Variants in IL1RAPL1 observed in about 807,000 individuals in gnomAD.
IL1RAPL1 encodes the protein interleukin-1 receptor accessory protein-like 1.
IL1RAPL1 carries 3 observed loss-of-function variants against 48.4 expected under a neutral mutation model. The ratio of observed to expected loss-of-function variants is 0.06; its 90% CI spans 0.03 to 0.16. The LOEUF (loss-of-function observed/expected upper bound fraction) is 0.16, where lower values mean the gene tolerates loss of function less well. Ranked by LOEUF, IL1RAPL1 falls within the 10% of genes least tolerant of loss-of-function variation. The pLI is 1.00. For missense variants in IL1RAPL1, 349 were observed against 530.6 expected (o/e 0.66, Z 3.36); for synonymous variants, 185 against 187.7 (o/e 0.99, Z 0.12).
intron 2 of IL1RAPL1, among the ~76,000 whole-genome samples, chrX:28,851,950 G>T (rs1921673096): frequency 1.8e-5 from 2 of 112,123 alleles, no homozygotes; most frequent in African/African-American, 3.2e-5. Context: ...TTCTATTATA[G>T]TTTAAGAAAA....
intron 5 of IL1RAPL1, among the ~76,000 whole-genome samples, chrX:29,520,540 G>A (rs180818437): frequency 1.7e-3 from 184 of 111,118 alleles, no homozygotes; most frequent in Non-Finnish European, 2.0e-3. Flanking sequence ...TACATTTTAA[G>A]AGGTACTACC....
intron 2 of IL1RAPL1, among the ~76,000 whole-genome samples, chrX:28,997,909 A>C (rs1189206066): frequency 2.7e-5 from 3 of 111,822 alleles, no homozygotes; most frequent in Non-Finnish European, 5.6e-5. Flanking sequence ...AGGGAACCAG[A>C]TGGTGTGCAG....
At chrX:29,510,325 A>T (rs1333614335) in intron 5 of IL1RAPL1, among the ~76,000 whole-genome samples, 1 of 112,214 alleles carries the variant, frequency 8.9e-6, no homozygotes, top group Non-Finnish European at 1.9e-5. Flanking sequence ...AATAAGCAGA[A>T]AGAAAAATAA....
At chrX:29,786,151 T>A (rs1929493098) in intron 6 of IL1RAPL1, among the ~76,000 whole-genome samples, 2 of 110,988 alleles carry the variant, frequency 1.8e-5, no homozygotes, top group Admixed American at 9.6e-5. Context: ...GAATAGTTGT[T>A]AGAGTACAAA....
At chrX:29,188,947 T>C (rs1341037614) in intron 2 of IL1RAPL1, among the ~76,000 whole-genome samples, 1 of 111,700 alleles carries the variant, frequency 9.0e-6, no homozygotes, top group Non-Finnish European at 1.9e-5. Flanking sequence ...ATTGAGTGTT[T>C]ATTGCTTGCA....
chrX:28,914,827 T>G (rs1373690451), intron 2 of IL1RAPL1, among the ~76,000 whole-genome samples: 1 of 112,661 alleles, frequency 8.9e-6, no homozygotes, highest in African/African-American at 3.2e-5. Flanking sequence ...AGATGAACTT[T>G]CCATTAATAA....
At chrX:29,055,422 G>A (rs1319682931) in intron 2 of IL1RAPL1, among the ~76,000 whole-genome samples, 1 of 111,590 alleles carries the variant, frequency 9.0e-6, no homozygotes, top group Non-Finnish European at 1.9e-5. Flanking sequence ...GTTTAGAGCT[G>A]AAAATGTAGC....
chrX:28,983,376 C>T (rs1832238258), intron 2 of IL1RAPL1, among the ~76,000 whole-genome samples: 1 of 112,143 alleles, frequency 8.9e-6, no homozygotes, highest in Non-Finnish European at 1.9e-5. Context: ...CTGTTTAAAG[C>T]AGTATTAAAA....
intron 5 of IL1RAPL1, among the ~76,000 whole-genome samples, chrX:29,466,665 T>G (rs1462967679): frequency 8.9e-6 from 1 of 112,322 alleles, no homozygotes; most frequent in Non-Finnish European, 1.9e-5. Context: ...CAGCCACTGT[T>G]AAACTTCGAG....
intron 5 of IL1RAPL1, among the ~76,000 whole-genome samples, chrX:29,482,422 A>C (rs1935050913): frequency 8.9e-6 from 1 of 112,169 alleles, no homozygotes; most frequent in Non-Finnish European, 1.9e-5. Context: ...TGTTATGAGG[A>C]TATTTAATCA....
intron 5 of IL1RAPL1, among the ~76,000 whole-genome samples, chrX:29,499,453 A>G (rs1269927692): frequency 1.8e-5 from 2 of 111,427 alleles, no homozygotes; most frequent in African/African-American, 6.5e-5. Context: ...TATAATGTTT[A>G]TGTTTTATTC....
intron 2 of IL1RAPL1, among the ~76,000 whole-genome samples, chrX:29,281,511 G>A (rs778922396): frequency 3.6e-5 from 4 of 110,639 alleles, no homozygotes; most frequent in Admixed American, 9.7e-5. Flanking sequence ...CCCATCCTCC[G>A]CATTTCCCAC....
intron 5 of IL1RAPL1, among the ~76,000 whole-genome samples, chrX:29,539,920 G>T (rs1430102356): frequency 3.6e-5 from 4 of 111,208 alleles, no homozygotes; most frequent in African/African-American, 1.3e-4. Flanking sequence ...ATGTAGTACT[G>T]GTGCTAGCCA....
intron 2 of IL1RAPL1, among the ~76,000 whole-genome samples, chrX:28,853,018 G>C (rs998413661): frequency 4.5e-5 from 5 of 111,125 alleles, no homozygotes; most frequent in African/African-American, 1.6e-4. Context: ...ACAGAACAGT[G>C]CTTGGCACAT....
chrX:28,965,527 T>C (rs920556220), intron 2 of IL1RAPL1, among the ~76,000 whole-genome samples: 1 of 112,080 alleles, frequency 8.9e-6, no homozygotes, highest in African/African-American at 3.2e-5. Flanking sequence ...AATTAAGTTA[T>C]AGTCTCTAAG....
rs1479457854 is a variant in IL1RAPL1 at position 29,533,299 on chromosome X, A to G, written c.703+133991A>G. Among the ~76,000 whole-genome samples, 5 of 111,311 alleles carry G rather than the reference A, an allele frequency of 4.5e-5. No individual in the cohort carries two copies. In the Admixed American group the frequency reaches 4.8e-4, roughly 11 times the overall value. ...CTCTTCCTAGCCGTGGGCAAACATTACTCTACTTTCTGTTCCTGAAGATTT... is the reference window on the plus strand; with the variant it reads ...CTCTTCCTAGCCGTGGGCAAACATTGCTCTACTTTCTGTTCCTGAAGATTT... On this transcript the variant is annotated intron_variant, in intron 5 of 10. Coordinates refer to ENST00000378993, the MANE Select transcript of IL1RAPL1 (RefSeq NM_014271.4).
intron 6 of IL1RAPL1, among the ~76,000 whole-genome samples, chrX:29,741,396 C>T (rs1044038201): frequency 4.5e-5 from 5 of 111,780 alleles, no homozygotes; most frequent in African/African-American, 1.6e-4. Flanking sequence ...ATCTGTGGAA[C>T]GGATAAGGGT....
chrX:28,666,895 T>C (rs1354315692), intron 1 of IL1RAPL1, among the ~76,000 whole-genome samples: 2 of 111,595 alleles, frequency 1.8e-5, no homozygotes, highest in Non-Finnish European at 3.8e-5. Flanking sequence ...TTGCACCACG[T>C]ATTGGGGGCT....
At chrX:29,784,830 T>C (rs1158863378) in intron 6 of IL1RAPL1, among the ~76,000 whole-genome samples, 1 of 111,766 alleles carries the variant, frequency 8.9e-6, no homozygotes, top group Admixed American at 9.5e-5. Context: ...TCCTCTTGCA[T>C]TTGTGGCAAA....
Sources: gnomAD v4.1 joint callset for allele counts (sites outside exome capture counted in the v4.1 genomes callset) on GRCh38, gnomAD v4.1.1 for gene constraint, MANE v1.5 for transcripts, NCBI Gene and HGNC (gene_info 2026-07-23, HGNC 2026-07-21) for gene names.